The following CHD1 variants were observed in gnomAD, a reference collection of about 807,000 sequenced individuals.
CHD1 encodes chromodomain helicase DNA binding protein 1.
In CHD1, 36 loss-of-function variants were observed where a neutral mutation model predicts 224.2. The observed-to-expected ratio is 0.16, with a 90% CI of 0.12 to 0.21. CHD1 has a LOEUF of 0.21. Ranked by LOEUF, CHD1 falls within the 10% of genes least tolerant of loss-of-function variation. The probability of loss-of-function intolerance (pLI) is 1.00; values close to 1 mark genes in which losing one functional copy is unlikely to be tolerated. For missense variants in CHD1, 1,378 were observed against 1,994.8 expected (o/e 0.69, Z 5.89); for synonymous variants, 668 against 658.3 (o/e 1.01, Z -0.23).
Position 98,856,288 on chromosome 5 carries a change from T to TTA in CHD1, c.*90_*91dup, listed in dbSNP as rs1398597855. ...ATACTGCTACTGATAGAAGATCTGTTTATATCTTTCAAGTCATGTAAGGCA... is the reference window on the plus strand; with the variant it reads ...ATACTGCTACTGATAGAAGATCTGTTTATATATCTTTCAAGTCATGTAAGGCA... On this transcript the variant is annotated 3_prime_UTR_variant, in exon 36 of 36. Transcript: ENST00000614616. 1 of 868,580 alleles carries TTA rather than the reference T, an allele frequency of 1.2e-6. No homozygotes were observed. Among genetic ancestry groups the TTA allele is most frequent in the African/African-American group, 1.7e-5 (1 of 59,604 alleles). 53.8% of individuals were successfully genotyped at this position (868,580 alleles called of 1,614,324 possible).
chr5:98,896,791 T>TA (rs34014975), intron 11 of CHD1, among the ~76,000 whole-genome samples: 144,199 of 145,124 alleles, frequency 0.99, 71,645 homozygotes, highest in South Asian at 1. Flanking sequence ...GAACACAGAT[T>TA]AAAAAAAAAA....
chr5:98,894,826 GTTT>G (rs375849435), intron 12 of CHD1, 140 bp from the exon 13 acceptor site: 4 of 345,662 alleles, frequency 1.2e-5, no homozygotes, highest in African/African-American at 2.3e-5. Context: ...AGTTTTTGTG[GTTT>G]TTTTTTTTTG....
At position 98,921,812 on chromosome 5, in the gene CHD1, T is replaced by C. The variant is rs117884910; in HGVS notation, c.53+4522A>G. 7.1e-4 allele frequency among the ~76,000 whole-genome samples: 108 copies of C among 152,292 alleles called. 1 individual carries two copies. In the East Asian group the frequency reaches 0.019, roughly 26 times the overall value. ...TACACCATTCTGATCTTTAACCATATAGCCATTCCTGAAGTAAATCATCAC... is the reference window on the plus strand; with the variant it reads ...TACACCATTCTGATCTTTAACCATACAGCCATTCCTGAAGTAAATCATCAC... On this transcript the variant is annotated intron_variant, in intron 2 of 35. Transcript: ENST00000614616.
At chr5:98,921,223 A>C (rs1198188872) in intron 2 of CHD1, among the ~76,000 whole-genome samples, 1 of 152,200 alleles carries the variant, frequency 6.6e-6, no homozygotes, top group Admixed American at 6.5e-5. Context: ...AGAGCTCAAC[A>C]ATCATCAGTT....
chr5:98,907,772 A>G (rs540898406), intron 2 of CHD1, among the ~76,000 whole-genome samples: 1 of 152,180 alleles, frequency 6.6e-6, no homozygotes, highest in East Asian at 1.9e-4. Context: ...TGGCAGAATA[A>G]CCCAACTAAT....
chr5:98,889,011 G>T (rs748508255), intron 16 of CHD1, 65 bp downstream of exon 16: 4 of 1,149,284 alleles, frequency 3.5e-6, no homozygotes, highest in African/African-American at 1.5e-5. Context: ...AGCCATTTTC[G>T]ATTGTAAGTG....
intron 2 of CHD1, among the ~76,000 whole-genome samples, chr5:98,924,949 G>A (rs549100071): frequency 6.6e-6 from 1 of 151,506 alleles, no homozygotes; most frequent in African/African-American, 2.4e-5. Context: ...CTGCACTCCA[G>A]CCTGGGCGAC....
At chr5:98,904,228 C>A (rs1751904778) in intron 3 of CHD1, among the ~76,000 whole-genome samples, 1 of 152,180 alleles carries the variant, frequency 6.6e-6, no homozygotes, top group South Asian at 2.1e-4. Flanking sequence ...GAGGCTGAGT[C>A]AGAATATACG....
At position 98,883,462 on chromosome 5, in the gene CHD1, G is replaced by A. The variant is rs1750349178; in HGVS notation, c.2569-225C>T. ...AAAGAAAACGGGATAGGAAAGGAATGACACTTCAACTCTAACTGTAAATTT... is the reference window on the plus strand; with the variant it reads ...AAAGAAAACGGGATAGGAAAGGAATAACACTTCAACTCTAACTGTAAATTT... On this transcript the variant is annotated intron_variant, in intron 18 of 35. Transcript: ENST00000614616. Among the ~76,000 whole-genome samples the A allele has an allele frequency of 5.3e-5, 8 of 152,096 alleles. 1 individual carries two copies. The South Asian group carries it at 1.5e-3, about 28-fold the overall frequency.
rs527798673 is a variant in CHD1, at chr5:98,856,301, G to C, written c.*79C>G. 9.9e-7 allele frequency: 1 copy of C among 1,009,930 alleles called. No homozygotes were observed. The highest frequency in any genetic ancestry group is 2.1e-5 in the Admixed American group (1 of 46,832). 62.6% of individuals were successfully genotyped at this position (1,009,930 alleles called of 1,614,324 possible). A position where few individuals can be genotyped will look rare whatever the true frequency, so the allele number is the denominator to read the frequency against. On this transcript the variant is annotated 3_prime_UTR_variant, in exon 36 of 36. Coordinates refer to ENST00000614616, the MANE Select transcript of CHD1 (RefSeq NM_001270.4). ...TAGAAGATCTGTTTATATCTTTCAA[G>C]TCATGTAAGGCAATTACTGTGTTGG...
intron 10 of CHD1, 30 bp downstream of exon 10, chr5:98,898,226 T>C: frequency 2.5e-6 from 3 of 1,216,152 alleles, no homozygotes; most frequent in Non-Finnish European, 3.3e-6. Context: ...AATATATTTT[T>C]AATAATTTAA....
chr5:98,924,701 C>T (rs1274251024), intron 2 of CHD1, among the ~76,000 whole-genome samples: 1 of 152,124 alleles, frequency 6.6e-6, no homozygotes, highest in Non-Finnish European at 1.5e-5. Flanking sequence ...TCAGGCCTGG[C>T]GTGGTGGCTC....
chr5:98,855,485 G>A lies in CHD1; in HGVS notation c.*895C>T, dbSNP rs1009565499. On this transcript the variant is annotated 3_prime_UTR_variant, in exon 36 of 36. Transcript: ENST00000614616. ...ATGCAGTTTAGATTTTACATATCTC[G>A]CCATTTTTTAAAACTACAAACACAA... 4 of 151,882 alleles carry A rather than the reference G, an allele frequency of 2.6e-5. No individual in the cohort carries two copies. Among genetic ancestry groups the A allele is most frequent in the Non-Finnish European group, 5.9e-5 (4 of 67,892 alleles). The allele number at this position is 151,882 out of a possible 1,614,324, so 9.4% of individuals were successfully genotyped here.
intron 24 of CHD1, 142 bp from the exon 25 acceptor site, chr5:98,875,255 T>G (rs1175315755): frequency 1.9e-6 from 1 of 523,534 alleles, no homozygotes; most frequent in Non-Finnish European, 3.4e-6. Context: ...GAATAAACTA[T>G]GCTAAAAACA....
intron 2 of CHD1, among the ~76,000 whole-genome samples, chr5:98,909,925 C>CCTG (rs1752281442): frequency 6.6e-6 from 1 of 152,142 alleles, no homozygotes; most frequent in African/African-American, 2.4e-5. Flanking sequence ...TCTTTGATAA[C>CCTG]CTGCCTATCT....
chr5:98,883,275 A>G, intron 18 of CHD1, 38 bp from the exon 19 acceptor site: 10 of 1,470,570 alleles, frequency 6.8e-6, no homozygotes, highest in South Asian at 5.3e-5. Flanking sequence ...AAAATTTTTC[A>G]ATTGATTTTC....
chr5:98,869,677 T>C, intron 30 of CHD1, 77 bp downstream of exon 30: 4 of 1,486,154 alleles, frequency 2.7e-6, no homozygotes, highest in Non-Finnish European at 3.7e-6. Flanking sequence ...AAATATAAAT[T>C]TTAAATGTAA....
intron 25 of CHD1, 87 bp from the exon 26 acceptor site, chr5:98,873,810 G>C: frequency 1.6e-6 from 2 of 1,222,582 alleles, no homozygotes; most frequent in Admixed American, 4.2e-5. Context: ...TTCAAGATCT[G>C]AATATCACTC....
rs1353236990 is a variant in CHD1 at position 98,869,202 on chromosome 5, C to T, written c.4107+552G>A. 4 of 977,272 alleles carry T rather than the reference C, an allele frequency of 4.1e-6. No homozygotes were observed. In the East Asian group the frequency reaches 4.6e-4, roughly 111 times the overall value. The allele number at this position is 977,272 out of a possible 1,614,324, so 60.5% of individuals were successfully genotyped here. A position where few individuals can be genotyped will look rare whatever the true frequency, so the allele number is the denominator to read the frequency against. On this transcript the variant is annotated intron_variant, in intron 30 of 35. Coordinates refer to ENST00000614616, the MANE Select transcript of CHD1 (RefSeq NM_001270.4). ...TCTGGTTCCTTCTTTATATAAACAT[C>T]TGGCTCAGGTTTTTCTTCACTGTCT...
Sources: allele counts gnomAD v4.1 joint callset (sites outside exome capture counted in the v4.1 genomes callset), GRCh38; gene constraint gnomAD v4.1.1; transcripts MANE v1.5; gene names NCBI Gene and HGNC (gene_info 2026-07-23, HGNC 2026-07-21).